Variants in GNA13 observed in about 807,000 individuals in gnomAD.
GNA13 encodes G protein subunit alpha 13.
Under a neutral mutation model 33.5 loss-of-function variants are expected in GNA13, and 4 were observed. The ratio of observed to expected loss-of-function variants is 0.12; its 90% CI spans 0.06 to 0.27. The LOEUF is 0.27. Ranked by LOEUF, GNA13 falls within the 10% of genes least tolerant of loss-of-function variation. The pLI, the probability that GNA13 is intolerant of heterozygous loss-of-function variation, is 1.00. For missense variants in GNA13, 319 were observed against 487.2 expected (o/e 0.65, Z 3.25); for synonymous variants, 176 against 183.8 (o/e 0.96, Z 0.34).
intron 3 of GNA13, among the ~76,000 whole-genome samples, chr17:65,017,962 T>C (rs968769249): frequency 6.6e-6 from 1 of 151,202 alleles, no homozygotes; most frequent in African/African-American, 2.4e-5. Flanking sequence ...CCTGGACAGT[T>C]AGAGGGAGAA....
chr17:65,050,954 A>G (rs1364701755), intron 2 of GNA13, among the ~76,000 whole-genome samples: 1 of 152,302 alleles, frequency 6.6e-6, no homozygotes, highest in East Asian at 1.9e-4. Context: ...GCAGGTCCTC[A>G]TCCTGAGTGG....
chr17:65,050,265 T>C (rs1438658053), intron 2 of GNA13, among the ~76,000 whole-genome samples: 1 of 152,208 alleles, frequency 6.6e-6, no homozygotes, highest in Non-Finnish European at 1.5e-5. Context: ...CTTGGGGAGC[T>C]GCTGCATGTA....
intron 2 of GNA13, among the ~76,000 whole-genome samples, chr17:65,049,564 T>C (rs755016352): frequency 2.0e-5 from 3 of 152,190 alleles, no homozygotes; most frequent in Non-Finnish European, 2.9e-5. Context: ...CTAACACACA[T>C]AATGGGTACT....
intron 2 of GNA13, 68 bp downstream of exon 2, chr17:65,053,434 A>G (rs1461749771): frequency 1.0e-6 from 1 of 955,434 alleles, no homozygotes; most frequent in East Asian, 2.4e-5. Context: ...CGCATTAGGG[A>G]TGTGCAACCT....
In GNA13 at chr17:65,011,467, T is replaced by G. The variant is rs189857781; in HGVS notation, c.*2790A>C. 54 of 198,756 alleles carry G rather than the reference T, an allele frequency of 2.7e-4. No individual in the cohort carries two copies. Among genetic ancestry groups the G allele is most frequent in the Non-Finnish European group, 5.1e-4 (49 of 95,870 alleles). The allele number at this position is 198,756 out of a possible 1,614,324, so 12.3% of individuals were successfully genotyped here. On this transcript the variant is annotated 3_prime_UTR_variant, in exon 4 of 4. Coordinates refer to ENST00000439174, the MANE Select transcript of GNA13 (RefSeq NM_006572.6). ...CAGCAACAATGCAGGTTATTAAAAA[T>G]ATTAAAGGGGCAGAGGCATGCTTTG...
At position 65,014,282 on chromosome 17, in the gene GNA13, T is replaced by C; in HGVS notation, c.1109A>G (p.Asn370Ser). 2 of 1,604,622 alleles carry C rather than the reference T, an allele frequency of 1.2e-6. No homozygotes were observed. The highest frequency in any genetic ancestry group is 1.7e-6 in the Non-Finnish European group (2 of 1,171,374). The change falls in exon 4 of 4, where the codon AAC becomes AGC. Residue 370 changes from asparagine to serine, a missense_variant. Transcript: ENST00000439174. This position sits in a 1 kb window ranked among gnomAD's most constrained non-coding sequence, Gnocchi z 5.3. ...RDVKDTILHDNLKQLMLQ is the reference protein window; with the variant it reads ...RDVKDTILHDSLKQLMLQ ...TCACTGTAGCATAAGCTGCTTGAGG[T>C]TGTCATGCAGAATAGTATCCTTCAC... is the stretch of plus-strand genomic sequence containing the variant.
chr17:65,015,377 T>G (rs780126697), intron 3 of GNA13, among the ~76,000 whole-genome samples: 1 of 151,804 alleles, frequency 6.6e-6, no homozygotes, highest in Non-Finnish European at 1.5e-5. Flanking sequence ...TTAAAAGCAA[T>G]GGGGGCTGGG....
At position 65,056,333 on chromosome 17, in the gene GNA13, G is replaced by A. The variant is rs1908058797; in HGVS notation, c.261C>T (p.Thr87=). 1 of 1,608,302 alleles carries A rather than the reference G, an allele frequency of 6.2e-7. No homozygotes were observed. Among genetic ancestry groups the A allele is most frequent in the Non-Finnish European group, 8.5e-7 (1 of 1,178,042 alleles). The change falls in exon 1 of 4, where the codon ACC becomes ACT. Residue 87 remains threonine (T), a synonymous_variant. Transcript: ENST00000439174. ...CACCTTTGATCACGTTGCTGTAGAT[G>A]GTGGGGCGGAACTCCTCGCGCGCGC... ...DQRAREEFRP[T]IYSNVIKGMR... is the part of the protein sequence containing the mutation.
intron 3 of GNA13, among the ~76,000 whole-genome samples, chr17:65,015,688 G>GAAAC (rs1906344367): frequency 7.5e-6 from 1 of 133,742 alleles, no homozygotes; most frequent in African/African-American, 2.8e-5. Flanking sequence ...AAAAAAAAAG[G>GAAAC]CAATGGGATC....
rs574809257 is a variant in GNA13, at chr17:65,012,498, C to G, written c.*1759G>C. 2 of 218,554 alleles carry G rather than the reference C, an allele frequency of 9.2e-6. No homozygotes were observed. Among genetic ancestry groups the G allele is most frequent in the South Asian group, 3.7e-4 (2 of 5,408 alleles). The allele number at this position is 218,554 out of a possible 1,614,324, so 13.5% of individuals were successfully genotyped here. On this transcript the variant is annotated 3_prime_UTR_variant, in exon 4 of 4. Transcript: ENST00000439174. ...GAACATGCACGATACCATGAACTTG[C>G]ATCACGGTGCCGGGCTACGTATGTG... is the stretch of plus-strand genomic sequence containing the variant.
rs1018029471 is a variant in GNA13, at chr17:65,010,425, C to T, written c.*3832G>A. On this transcript the variant is annotated 3_prime_UTR_variant, in exon 4 of 4. Transcript: ENST00000439174. ...GTGCTGTATTTGGGACATGCGGACA[C>T]ACCCACACCCACCCACAATCTCTCC... is the stretch of plus-strand genomic sequence containing the variant. Among the ~76,000 whole-genome samples, 6 of 152,090 alleles carry T rather than the reference C, an allele frequency of 3.9e-5. No individual in the cohort carries two copies. Among genetic ancestry groups the T allele is most frequent in the African/African-American group, 1.4e-4 (6 of 41,418 alleles).
intron 2 of GNA13, among the ~76,000 whole-genome samples, chr17:65,020,599 G>T (rs1906547034): frequency 6.6e-6 from 1 of 152,000 alleles, no homozygotes. Context: ...CTTTTTGCTG[G>T]TTGTAACTTG....
intron 2 of GNA13, among the ~76,000 whole-genome samples, chr17:65,028,081 C>T (rs1465805855): frequency 6.6e-6 from 1 of 152,184 alleles, no homozygotes; most frequent in Non-Finnish European, 1.5e-5. Flanking sequence ...AAAAAATCAG[C>T]CGGGCGCGGT....
chr17:65,056,209 T>G, intron 1 of GNA13, 102 bp downstream of exon 1: 1 of 994,052 alleles, frequency 1.0e-6, no homozygotes, highest in Non-Finnish European at 1.4e-6. Flanking sequence ...GGCCCGTTCC[T>G]TCGCCAGCGA....
At chr17:65,056,249 G>GCCCCCCCCCCCCCCCCCCC in intron 1 of GNA13, 62 bp downstream of exon 1, 10 of 774,820 alleles carry the variant, frequency 1.3e-5, no homozygotes, top group Non-Finnish European at 2.0e-5. Context: ...GCCCCGCCCC[G>GCCCCCCCCCCCCCCCCCCC]CACCCGCCGC....
chr17:65,042,552 C>A (rs1907497914), intron 2 of GNA13, among the ~76,000 whole-genome samples: 1 of 151,880 alleles, frequency 6.6e-6, no homozygotes, highest in Non-Finnish European at 1.5e-5. Flanking sequence ...GCATGGCCAA[C>A]ACGGTGAAAC....
At chr17:65,039,115 T>C (rs1162823554) in intron 2 of GNA13, among the ~76,000 whole-genome samples, 2 of 152,216 alleles carry the variant, frequency 1.3e-5, no homozygotes, top group African/African-American at 4.8e-5. Flanking sequence ...ATCCACCTAG[T>C]TGATAAAGCC....
intron 2 of GNA13, among the ~76,000 whole-genome samples, chr17:65,046,912 C>G (rs979152631): frequency 6.6e-6 from 1 of 152,008 alleles, no homozygotes; most frequent in Non-Finnish European, 1.5e-5. Flanking sequence ...GCTTTAGCAC[C>G]AAGAACCCAG....
At position 65,014,584 on chromosome 17, in the gene GNA13, CAG is replaced by C; in HGVS notation, c.805_806del (p.Leu269GlufsTer4). 6.2e-7 allele frequency: 1 copy of C among 1,614,082 alleles called. No individual in the cohort carries two copies. Among genetic ancestry groups the C allele is most frequent in the Non-Finnish European group, 8.5e-7 (1 of 1,179,954 alleles). On this transcript the variant is annotated frameshift_variant, in exon 4 of 4. Transcript: ENST00000439174. LOFTEE classifies it high-confidence loss of function. The surrounding 1 kb of genome is among the most constrained non-coding windows in gnomAD (Gnocchi z 5.3). The part of the protein sequence containing the change: ...DRLTNRLTES[L>X]NIFETIVNNR... Reference sequence around the variant, plus strand: ...TATTGACGATTGTTTCAAAAATGTTCAGAGACTCTGTAAGGCGATTGGTCAGT... The same window carrying C: ...TATTGACGATTGTTTCAAAAATGTTCAGACTCTGTAAGGCGATTGGTCAGT...
Sources: gnomAD v4.1 joint callset for allele counts (sites outside exome capture counted in the v4.1 genomes callset) on GRCh38, gnomAD v4.1.1 for gene constraint, Gnocchi (gnomAD v3.1) non-coding constraint, MANE v1.5 for transcripts, NCBI Gene and HGNC (gene_info 2026-07-23, HGNC 2026-07-21) for gene names.